Variants in DDX42 observed in about 807,000 individuals in gnomAD.
The protein encoded by DDX42 is DEAD-box helicase 42.
DDX42 carries 22 observed loss-of-function variants against 101.5 expected under a neutral mutation model. The ratio of observed to expected loss-of-function variants is 0.22; its 90% CI spans 0.15 to 0.31. The LOEUF is 0.31. Ranked by LOEUF, DDX42 falls within the 10% of genes least tolerant of loss-of-function variation. DDX42 has a pLI of 1.00. For missense variants in DDX42, 849 were observed against 1,199.9 expected, an observed-to-expected ratio of 0.71 and a Z score of 4.32; for synonymous variants, 402 against 401.2, an observed-to-expected ratio of 1.00 and a Z score of -0.02.
At chr17:63,774,791 G>A (rs1184934931) in intron 1 of DDX42, 2 of 152,234 alleles carry the variant, frequency 1.3e-5, no homozygotes, top group Non-Finnish European at 2.9e-5. Flanking sequence ...CAAATGAGAG[G>A]AGTGAAAAGA....
chr17:63,817,190 C>A, intron 17 of DDX42: 1 of 492,750 alleles, frequency 2.0e-6, no homozygotes, highest in Non-Finnish European at 3.6e-6. Context: ...ACACTTGGGG[C>A]CTGGGATTGT....
chr17:63,813,455 G>C lies in DDX42; in HGVS notation c.1902+1G>C. 6.2e-7 allele frequency: 1 copy of C among 1,613,214 alleles called. No homozygotes were observed. Among genetic ancestry groups the C allele is most frequent in the Non-Finnish European group, 8.5e-7 (1 of 1,179,340 alleles). On this transcript the variant is annotated splice_donor_variant, in intron 15 of 17. Coordinates refer to ENST00000389924, the MANE Select transcript of DDX42 (RefSeq NM_203499.3). LOFTEE classifies it high-confidence loss of function. Reference sequence around the variant, plus strand: ...GGAACTCCTAGATCTGGCAATGCAGGTGAGGGGCTGGGCACACTTTCAATT... The same window carrying C: ...GGAACTCCTAGATCTGGCAATGCAGCTGAGGGGCTGGGCACACTTTCAATT...
intron 2 of DDX42, among the ~76,000 whole-genome samples, chr17:63,789,115 C>T (rs1229339294): frequency 6.6e-6 from 1 of 151,676 alleles, no homozygotes; most frequent in Non-Finnish European, 1.5e-5. Context: ...GTCTCACTGT[C>T]TCACCCAGGC....
chr17:63,809,846 T>C (rs901764049), intron 11 of DDX42, among the ~76,000 whole-genome samples, 187 bp downstream of exon 11: 2 of 152,216 alleles, frequency 1.3e-5, no homozygotes, highest in Non-Finnish European at 2.9e-5. Context: ...TTAGGTTTTA[T>C]TGGGTTGAGG....
rs142799606 is a variant in DDX42, at chr17:63,775,834, T to C, written c.-17+1458T>C. ...AGGAATGATAATATCTGATTTATAT[T>C]GTAACAATTTAATATAAGAGAGGAG... is the stretch of plus-strand genomic sequence containing the variant. On this transcript the variant is annotated intron_variant, in intron 1 of 17. Coordinates refer to ENST00000389924, the MANE Select transcript of DDX42 (RefSeq NM_203499.3). Among the ~76,000 whole-genome samples the C allele has an allele frequency of 4.7e-3, 721 of 152,342 alleles. 7 individuals carry two copies. Among genetic ancestry groups the C allele is most frequent in the African/African-American group, 0.016 (686 of 41,578 alleles).
At chr17:63,789,894 G>A (rs1233818836) in intron 2 of DDX42, among the ~76,000 whole-genome samples, 1 of 152,128 alleles carries the variant, frequency 6.6e-6, no homozygotes, top group East Asian at 1.9e-4. Flanking sequence ...AAAGTACACA[G>A]TAATATTTTA....
At chr17:63,802,166 C>T (rs931409492) in intron 6 of DDX42, among the ~76,000 whole-genome samples, 6 of 152,120 alleles carry the variant, frequency 3.9e-5, no homozygotes, top group Non-Finnish European at 8.8e-5. Context: ...ATTCTCTGTT[C>T]TCAGACCATT....
At chr17:63,786,576 C>T (rs2039549815) in intron 1 of DDX42, among the ~76,000 whole-genome samples, 1 of 152,214 alleles carries the variant, frequency 6.6e-6, no homozygotes, top group Admixed American at 6.5e-5. Flanking sequence ...TGGCCTGGGC[C>T]ACTCTCCTGA....
intron 3 of DDX42, among the ~76,000 whole-genome samples, chr17:63,795,236 G>A (rs1387829241): frequency 1.3e-5 from 2 of 152,312 alleles, no homozygotes; most frequent in African/African-American, 4.8e-5. Context: ...TGAGCAAATG[G>A]CTGCCTACAT....
chr17:63,813,124 G>C (rs1296881902), intron 14 of DDX42, 104 bp from the exon 15 acceptor site: 5 of 1,062,152 alleles, frequency 4.7e-6, no homozygotes, highest in Non-Finnish European at 6.7e-6. Flanking sequence ...CATGCGCTTT[G>C]CCTAGATAAA....
At chr17:63,809,703 A>G in intron 11 of DDX42, 44 bp downstream of exon 11, 14 of 1,511,096 alleles carry the variant, frequency 9.3e-6, no homozygotes, top group Middle Eastern at 1.7e-4. Context: ...TCCTCATGAT[A>G]CTAGTTTTTT....
intron 7 of DDX42, chr17:63,805,836 G>A (rs1421677188): frequency 1.3e-5 from 2 of 152,166 alleles, no homozygotes; most frequent in African/African-American, 2.4e-5. Flanking sequence ...ACACTTGTCT[G>A]TTTTCCAAGA....
chr17:63,814,700 T>C (rs986754867), intron 15 of DDX42, among the ~76,000 whole-genome samples: 1 of 111,024 alleles, frequency 9.0e-6, no homozygotes, highest in Non-Finnish European at 1.9e-5. Context: ...TTTTTTTTTC[T>C]TTTTTCTGAG....
intron 2 of DDX42, among the ~76,000 whole-genome samples, chr17:63,788,267 T>C (rs1258884554): frequency 6.6e-6 from 1 of 151,370 alleles, no homozygotes; most frequent in Non-Finnish European, 1.5e-5. Context: ...CACAGGCCGT[T>C]GTCAGAACTG....
chr17:63,808,819 G>T lies in DDX42; in HGVS notation c.1024-1G>T. 6.2e-7 allele frequency: 1 copy of T among 1,613,760 alleles called. No homozygotes were observed. Among genetic ancestry groups the T allele is most frequent in the South Asian group, 1.1e-5 (1 of 91,056 alleles). ...TTAATATATTATTCACAACTTTGTA[G>T]ATCCATGCAGAATGTAAGCGGTTTG... On this transcript the variant is annotated splice_acceptor_variant, in intron 9 of 17. Transcript: ENST00000389924. LOFTEE classifies it high-confidence loss of function.
chr17:63,794,683 T>C (rs2039671155), intron 3 of DDX42, among the ~76,000 whole-genome samples: 2 of 151,518 alleles, frequency 1.3e-5, no homozygotes, highest in African/African-American at 4.8e-5. Context: ...CGGCTCACAT[T>C]TGTAATCCCA....
At position 63,818,463 on chromosome 17, in the gene DDX42, GTC is replaced by G. The variant is rs2040007580; in HGVS notation, c.*68_*69del. On this transcript the variant is annotated 3_prime_UTR_variant, in exon 18 of 18. Coordinates refer to ENST00000389924, the MANE Select transcript of DDX42 (RefSeq NM_203499.3). ...TTTAGAAAGATTTTGGTAACTAGGT[GTC>G]TCAGGGCTGGGTTGGGGTCCAAAGT... 1 of 1,492,152 alleles carries G rather than the reference GTC, an allele frequency of 6.7e-7. No individual in the cohort carries two copies. Among genetic ancestry groups the G allele is most frequent in the African/African-American group, 1.4e-5 (1 of 71,838 alleles). 92.4% of individuals were successfully genotyped at this position (1,492,152 alleles called of 1,614,324 possible). A position where few individuals can be genotyped will look rare whatever the true frequency, so the allele number is the denominator to read the frequency against.
intron 15 of DDX42, among the ~76,000 whole-genome samples, chr17:63,813,747 A>C (rs987078053): frequency 1.4e-4 from 22 of 152,176 alleles, no homozygotes; most frequent in Non-Finnish European, 5.9e-5. Flanking sequence ...GATGGTTACT[A>C]TTCTCCTTAC....
At chr17:63,778,542 T>G (rs577091802) in intron 1 of DDX42, among the ~76,000 whole-genome samples, 9 of 152,356 alleles carry the variant, frequency 5.9e-5, no homozygotes, top group African/African-American at 2.2e-4. Flanking sequence ...ATTCCATTAC[T>G]GTATCCTTAG....
Sources: gnomAD v4.1 joint callset for allele counts (sites outside exome capture counted in the v4.1 genomes callset) on GRCh38, gnomAD v4.1.1 for gene constraint, MANE v1.5 for transcripts, NCBI Gene and HGNC (gene_info 2026-07-23, HGNC 2026-07-21) for gene names.